Variants in ABLIM2 observed in about 807,000 individuals in gnomAD.
The protein encoded by ABLIM2 is actin binding LIM protein family member 2.
ABLIM2 carries 53 observed loss-of-function variants against 97.7 expected under a neutral mutation model. That is an observed-to-expected ratio of 0.54 (90% CI 0.44 to 0.68). The LOEUF (loss-of-function observed/expected upper bound fraction) is 0.68. ABLIM2 is among the 30% of genes least tolerant of loss of function. The pLI, the probability that ABLIM2 is intolerant of heterozygous loss-of-function variation, is 0.00. For synonymous variants in ABLIM2, 361 were observed against 345.8 expected, an observed-to-expected ratio of 1.04 and a Z score of -0.49; for missense variants, 835 against 867.2, an observed-to-expected ratio of 0.96 and a Z score of 0.47.
intron 12 of ABLIM2, 148 bp from the exon 13 acceptor site, chr4:8,020,451 T>G (rs1304544491): frequency 2.6e-6 from 2 of 754,910 alleles, no homozygotes; most frequent in Admixed American, 4.0e-5. Flanking sequence ...GGAAGGAGTG[T>G]GGGCCTCATC....
intron 17 of ABLIM2, among the ~76,000 whole-genome samples, chr4:7,990,021 T>C (rs368561057): frequency 2.6e-5 from 4 of 152,186 alleles, no homozygotes; most frequent in African/African-American, 9.6e-5. Flanking sequence ...TATTGTGCTT[T>C]AGGTCACTGG....
chr4:8,017,946 T>A (rs1770662799), intron 14 of ABLIM2, among the ~76,000 whole-genome samples: 1 of 147,830 alleles, frequency 6.8e-6, no homozygotes. Flanking sequence ...TAAGCCAAGA[T>A]CGCACCACTG....
intron 1 of ABLIM2, among the ~76,000 whole-genome samples, chr4:8,142,945 G>A (rs1295031970): frequency 1.3e-5 from 2 of 152,166 alleles, no homozygotes; most frequent in Non-Finnish European, 1.5e-5. Context: ...GAGAGAGGAG[G>A]CACAGGGACG....
intron 5 of ABLIM2, 100 bp from the exon 6 acceptor site, chr4:8,077,821 G>A: frequency 9.9e-7 from 1 of 1,008,678 alleles, no homozygotes; most frequent in South Asian, 1.5e-5. Flanking sequence ...CAAAGTGGGG[G>A]AATGCCCACC....
At position 8,085,603 on chromosome 4, in the gene ABLIM2, T is replaced by TG. The variant is rs752462806; in HGVS notation, c.454+2565dup. 2.7e-5 allele frequency among the ~76,000 whole-genome samples: 4 copies of TG among 145,650 alleles called. No individual in the cohort carries two copies. Among genetic ancestry groups the TG allele is most frequent in the African/African-American group, 5.2e-5 (2 of 38,628 alleles). On this transcript the variant is annotated intron_variant, in intron 4 of 20. Transcript: ENST00000447017. This position sits in a 1 kb window ranked among gnomAD's most constrained non-coding sequence, Gnocchi z 6.1. The stretch of plus-strand genomic sequence containing the variant: ...GCAGCCCCGTCCACTCACGCGGGTC[T>TG]GGGGGGTGCCCACGCTGCAGCCCTG...
At chr4:8,156,422 C>T (rs754948599) in intron 1 of ABLIM2, among the ~76,000 whole-genome samples, 26 of 152,216 alleles carry the variant, frequency 1.7e-4, no homozygotes, top group Non-Finnish European at 3.7e-4. Flanking sequence ...ATGCCATCTC[C>T]TTCCACCTTG....
intron 5 of ABLIM2, among the ~76,000 whole-genome samples, chr4:8,078,516 C>A (rs554272280): frequency 1.3e-5 from 2 of 152,324 alleles, no homozygotes; most frequent in Admixed American, 1.3e-4. Flanking sequence ...CCTGAGCTGA[C>A]CTTCACACCC....
chr4:8,009,172 A>G lies in ABLIM2; in HGVS notation c.1424-70T>C. The G allele has an allele frequency of 2.5e-6, 4 of 1,580,466 alleles. No homozygotes were observed. The South Asian group carries it at 3.3e-5, about 13-fold the overall frequency. Reference sequence around the variant, plus strand: ...GTGGGTTTCTGCCTCATGGTTTCCCATGTTACAGTTATGCTCAAAAATGAA... The same window carrying G: ...GTGGGTTTCTGCCTCATGGTTTCCCGTGTTACAGTTATGCTCAAAAATGAA... On this transcript the variant is annotated intron_variant, in intron 14 of 20. Coordinates refer to ENST00000447017, the MANE Select transcript of ABLIM2 (RefSeq NM_001130083.2).
At position 8,123,013 on chromosome 4, in the gene ABLIM2, C is replaced by T. The variant is rs1016377389; in HGVS notation, c.11-16376G>A. Among the ~76,000 whole-genome samples, 1 of 152,208 alleles carries T rather than the reference C, an allele frequency of 6.6e-6. No homozygotes were observed. Among genetic ancestry groups the T allele is most frequent in the Non-Finnish European group, 1.5e-5 (1 of 68,022 alleles). On this transcript the variant is annotated intron_variant, in intron 1 of 20. Transcript: ENST00000447017. The surrounding 1 kb of genome is among the most constrained non-coding windows in gnomAD (Gnocchi z 6.2). ...GTGCCTGCCTCCCCTGGCGTTCCCACTCTGCAAGCCTCCTTCCTATCTGCT... is the reference window on the plus strand; with the variant it reads ...GTGCCTGCCTCCCCTGGCGTTCCCATTCTGCAAGCCTCCTTCCTATCTGCT...
intron 16 of ABLIM2, chr4:8,007,719 G>C: frequency 9.2e-7 from 1 of 1,083,508 alleles, no homozygotes; most frequent in Non-Finnish European, 1.1e-6. Context: ...GCTCTGGAGG[G>C]AACAGGCCCT....
At position 8,097,441 on chromosome 4, in the gene ABLIM2, C is replaced by T. The variant is rs560988805; in HGVS notation, c.155-159G>A. On this transcript the variant is annotated intron_variant, in intron 2 of 20. Transcript: ENST00000447017. ...GTGGCTTGCTCAACTCTCGGCGGGC[C>T]GGGCTCCTGGGACAGACTCCAGCTC... 3.1e-3 allele frequency among the ~76,000 whole-genome samples: 472 copies of T among 152,290 alleles called. 5 individuals are homozygous for T. The highest frequency in any genetic ancestry group is 0.011 in the African/African-American group (441 of 41,576).
At position 8,141,845 on chromosome 4, in the gene ABLIM2, T is replaced by C. The variant is rs143264249; in HGVS notation, c.10+16835A>G. Reference sequence around the variant, plus strand: ...AGGGTCCCATCTTAAATTTCATATGTCCACCTGGGTGGGGCCAAATGCTCC... The same window carrying C: ...AGGGTCCCATCTTAAATTTCATATGCCCACCTGGGTGGGGCCAAATGCTCC... On this transcript the variant is annotated intron_variant, in intron 1 of 20. Transcript: ENST00000447017. 3.9e-5 allele frequency among the ~76,000 whole-genome samples: 6 copies of C among 152,358 alleles called. No individual in the cohort carries two copies. The East Asian group carries it at 9.7e-4, about 25-fold the overall frequency.
chr4:8,041,408 T>G (rs1788415912), intron 9 of ABLIM2: 2 of 152,234 alleles, frequency 1.3e-5, no homozygotes, highest in South Asian at 4.1e-4. Context: ...TTTACAGCAC[T>G]GAGCAGCAGG....
At chr4:8,143,740 C>T (rs1347168101) in intron 1 of ABLIM2, among the ~76,000 whole-genome samples, 2 of 152,158 alleles carry the variant, frequency 1.3e-5, no homozygotes, top group African/African-American at 4.8e-5. Flanking sequence ...GAAGAACTGC[C>T]TCCAGTGCCC....
chr4:8,080,746 T>C lies in ABLIM2; in HGVS notation c.511A>G (p.Lys171Glu). Residue 171 changes from lysine to glutamate, a missense_variant, in exon 5 of 21, where the codon AAG becomes GAG. Physicochemically the swap from Lys to Glu is moderately conservative, Grantham distance 56 (BLOSUM62 1). Coordinates refer to ENST00000447017, the MANE Select transcript of ABLIM2 (RefSeq NM_001130083.2). ...TTAAAACAGCCCAAGTGCCAGTGCT[T>C]GTCCAAGGCTACCAGGGCCTGGCCA... ...KNGQALVALD[K>E]HWHLGCFKCK... 6.2e-7 allele frequency: 1 copy of C among 1,612,804 alleles called. No individual in the cohort carries two copies. Among genetic ancestry groups the C allele is most frequent in the Non-Finnish European group, 8.5e-7 (1 of 1,179,096 alleles).
chr4:8,140,878 C>T lies in ABLIM2; in HGVS notation c.10+17802G>A, dbSNP rs1421537707. Among the ~76,000 whole-genome samples the T allele has an allele frequency of 5.3e-5, 8 of 152,124 alleles. No individual in the cohort carries two copies. Among genetic ancestry groups the T allele is most frequent in the Non-Finnish European group, 1.0e-4 (7 of 68,030 alleles). On this transcript the variant is annotated intron_variant, in intron 1 of 20. Coordinates refer to ENST00000447017, the MANE Select transcript of ABLIM2 (RefSeq NM_001130083.2). The surrounding 1 kb of genome is among the most constrained non-coding windows in gnomAD (Gnocchi z 5.9). ...GAGCTATGAAGAATTAGAAGCTGGA[C>T]CAATGCAGAGGAGGCCTGGGTGGTG...
At chr4:7,987,809 C>T (rs532524477) in intron 17 of ABLIM2, among the ~76,000 whole-genome samples, 96 of 152,124 alleles carry the variant, frequency 6.3e-4, no homozygotes, top group Non-Finnish European at 1.2e-3. Flanking sequence ...CTTGTAAGTG[C>T]GAAGTGGGGA....
rs1440469107 is a variant in ABLIM2 at position 8,077,534 on chromosome 4, C to T, written c.675+94G>A. The T allele has an allele frequency of 6.5e-6, 8 of 1,230,310 alleles. 1 individual carries two copies. The highest frequency in any genetic ancestry group is 2.1e-5 in the Admixed American group (1 of 47,372). 76.2% of individuals were successfully genotyped at this position (1,230,310 alleles called of 1,614,324 possible). A position where few individuals can be genotyped will look rare whatever the true frequency, so the allele number is the denominator to read the frequency against. Reference sequence around the variant, plus strand: ...AGGTGAAGCTGCAGCCAGACAGATTCTTGCACAAACACACACAAATCTCCC... The same window carrying T: ...AGGTGAAGCTGCAGCCAGACAGATTTTTGCACAAACACACACAAATCTCCC... On this transcript the variant is annotated intron_variant, in intron 6 of 20. Transcript: ENST00000447017.
chr4:8,117,707 CGA>C (rs1843419205), intron 1 of ABLIM2, among the ~76,000 whole-genome samples: 1 of 152,228 alleles, frequency 6.6e-6, no homozygotes, highest in Admixed American at 6.5e-5. Flanking sequence ...TAGGCTCGAC[CGA>C]GAAGACCTAA....
Sources: gnomAD v4.1 joint callset for allele counts (sites outside exome capture counted in the v4.1 genomes callset) on GRCh38, gnomAD v4.1.1 for gene constraint, Gnocchi (gnomAD v3.1) non-coding constraint, MANE v1.5 for transcripts, NCBI Gene and HGNC (gene_info 2026-07-23, HGNC 2026-07-21) for gene names.